The following RNF157 variants were observed in gnomAD, a reference collection of about 807,000 sequenced individuals.
The protein encoded by RNF157 is E3 ubiquitin ligase RNF157.
RNF157 carries 55 observed loss-of-function variants against 88.3 expected under a neutral mutation model. The ratio of observed to expected loss-of-function variants is 0.62; its 90% confidence interval spans 0.50 to 0.78. RNF157 has a LOEUF of 0.78. Ranked by LOEUF, RNF157 falls within the 30% of genes least tolerant of loss-of-function variation. The probability of loss-of-function intolerance (pLI) is 0.00; values close to 1 mark genes in which losing one functional copy is unlikely to be tolerated. For synonymous variants in RNF157, 334 were observed against 341.2 expected (o/e 0.98, Z 0.23); for missense variants, 788 against 860.8 (o/e 0.92, Z 1.06).
At chr17:76,192,212 T>C (rs1480762337) in intron 2 of RNF157, among the ~76,000 whole-genome samples, 1 of 152,194 alleles carries the variant, frequency 6.6e-6, no homozygotes, top group Non-Finnish European at 1.5e-5. Flanking sequence ...CAGCAGTTCT[T>C]TGTACTCTGG....
chr17:76,215,934 G>C (rs2145036259), intron 1 of RNF157, among the ~76,000 whole-genome samples: 1 of 152,300 alleles, frequency 6.6e-6, no homozygotes, highest in East Asian at 1.9e-4. Flanking sequence ...GCACTTGCTA[G>C]CCCTATTTTC....
chr17:76,150,684 T>C (rs1460806920), intron 18 of RNF157, among the ~76,000 whole-genome samples: 1 of 152,222 alleles, frequency 6.6e-6, no homozygotes, highest in African/African-American at 2.4e-5. Flanking sequence ...ATCCTTTCCA[T>C]AGCCCTTGCC....
At chr17:76,174,064 G>T (rs1041844134) in intron 2 of RNF157, among the ~76,000 whole-genome samples, 3 of 151,530 alleles carry the variant, frequency 2.0e-5, no homozygotes, top group Non-Finnish European at 4.4e-5. Context: ...TCAAAACCTG[G>T]AGAATTAATA....
At chr17:76,170,106 C>G (rs2068991654) in intron 3 of RNF157, among the ~76,000 whole-genome samples, 1 of 152,160 alleles carries the variant, frequency 6.6e-6, no homozygotes, top group South Asian at 2.1e-4. Context: ...TTTTCCTATC[C>G]AGGCAGGTCC....
In RNF157 at chr17:76,162,631, G is replaced by A. The variant is rs910730637; in HGVS notation, c.721-8C>T. 14 of 1,606,868 alleles carry A rather than the reference G, an allele frequency of 8.7e-6. No homozygotes were observed. The Admixed American group carries it at 2.0e-4, about 23-fold the overall frequency. ...GTAGCTGACCCCGTCTACCTGAACA[G>A]CAAACAGAAAGGTTCAAGGACAGGC... On this transcript the variant is annotated splice_polypyrimidine_tract_variant and splice_region_variant and intron_variant, in intron 8 of 18. Transcript: ENST00000269391.
At chr17:76,165,066 A>G (rs1200633678) in intron 7 of RNF157, among the ~76,000 whole-genome samples, 1 of 152,182 alleles carries the variant, frequency 6.6e-6, no homozygotes, top group East Asian at 1.9e-4. Context: ...CTTATGAATT[A>G]AACTTTATCA....
At chr17:76,196,633 G>C (rs2069482123) in intron 2 of RNF157, among the ~76,000 whole-genome samples, 1 of 152,140 alleles carries the variant, frequency 6.6e-6, no homozygotes, top group African/African-American at 2.4e-5. Flanking sequence ...GTAGTCATGT[G>C]CTGGCGTCCC....
At chr17:76,165,155 G>A (rs1256283416) in intron 7 of RNF157, among the ~76,000 whole-genome samples, 5 of 152,148 alleles carry the variant, frequency 3.3e-5, no homozygotes, top group East Asian at 1.9e-4. Context: ...CATCCACTGG[G>A]GGTCTTGGAA....
intron 2 of RNF157, among the ~76,000 whole-genome samples, chr17:76,190,068 G>A (rs1480700701): frequency 6.6e-6 from 1 of 152,094 alleles, no homozygotes; most frequent in Non-Finnish European, 1.5e-5. Context: ...GGAAATAACA[G>A]TGGAATTGTG....
At chr17:76,205,719 A>G (rs530471083) in intron 2 of RNF157, among the ~76,000 whole-genome samples, 2 of 144,596 alleles carry the variant, frequency 1.4e-5, no homozygotes, top group Non-Finnish European at 3.0e-5. Context: ...GCAAGACTCC[A>G]TCTCTAAATA....
rs546647282 is a variant in RNF157 at position 76,167,636 on chromosome 17, G to T, written c.443+15C>A. 21 of 1,613,790 alleles carry T rather than the reference G, an allele frequency of 1.3e-5. No individual in the cohort carries two copies. Among genetic ancestry groups the T allele is most frequent in the Non-Finnish European group, 1.8e-5 (21 of 1,179,924 alleles). ...ATCTGGGAAGGAAGTGGCTCTCCTG[G>T]TCTCCTGATCTTACCTGGCAATACC... On this transcript the variant is annotated intron_variant, in intron 4 of 18. Coordinates refer to ENST00000269391, the MANE Select transcript of RNF157 (RefSeq NM_052916.3).
rs1196435398 is a variant in RNF157, at chr17:76,146,467, C to T, written c.1922-1114G>A. 1 of 985,574 alleles carries T rather than the reference C, an allele frequency of 1.0e-6. No individual in the cohort carries two copies. The highest frequency in any genetic ancestry group is 1.2e-6 in the Non-Finnish European group (1 of 830,130). 61.1% of individuals were successfully genotyped at this position (985,574 alleles called of 1,614,324 possible). A position where few individuals can be genotyped will look rare whatever the true frequency, so the allele number is the denominator to read the frequency against. ...CTCCAGTGCCCTCCCTCCAGTGAGG[C>T]TAGGGCGCTCCTGCCTTGGGCCTCG... On this transcript the variant is annotated intron_variant, in intron 18 of 18. Transcript: ENST00000269391. This position sits in a 1 kb window ranked among gnomAD's most constrained non-coding sequence, Gnocchi z 4.2.
intron 2 of RNF157, 27 bp downstream of exon 2, chr17:76,212,337 G>A (rs2069815460): frequency 6.8e-7 from 1 of 1,464,714 alleles, no homozygotes; most frequent in African/African-American, 1.4e-5. Flanking sequence ...TAAGCTCCAA[G>A]TAGGAGTAAA....
At chr17:76,177,771 C>T (rs912983110) in intron 2 of RNF157, among the ~76,000 whole-genome samples, 2 of 152,114 alleles carry the variant, frequency 1.3e-5, no homozygotes, top group South Asian at 2.1e-4. Flanking sequence ...AGAGGAGCAA[C>T]CTACTCCAGT....
At chr17:76,218,234 G>A (rs1211814983) in intron 1 of RNF157, among the ~76,000 whole-genome samples, 1 of 152,140 alleles carries the variant, frequency 6.6e-6, no homozygotes, top group East Asian at 1.9e-4. Context: ...GAAGAAAATC[G>A]GTGTCATCAG....
intron 18 of RNF157, among the ~76,000 whole-genome samples, chr17:76,148,547 G>A (rs1199693432): frequency 2.7e-5 from 4 of 150,300 alleles, no homozygotes; most frequent in African/African-American, 7.4e-5. Context: ...GATTACAGGC[G>A]GGAGCCACCG....
At position 76,157,680 on chromosome 17, in the gene RNF157, C is replaced by G. The variant is rs1447497416; in HGVS notation, c.1413+713G>C. On this transcript the variant is annotated intron_variant, in intron 13 of 18. Transcript: ENST00000269391. The surrounding 1 kb of genome is among the most constrained non-coding windows in gnomAD (Gnocchi z 5.6). ...AACAACGTGCCAGGCACATGCTATTCCCATGTATATGTCCTGTCCCAGCCA... is the reference window on the plus strand; with the variant it reads ...AACAACGTGCCAGGCACATGCTATTGCCATGTATATGTCCTGTCCCAGCCA... Among the ~76,000 whole-genome samples, 1 of 152,174 alleles carries G rather than the reference C, an allele frequency of 6.6e-6. No individual in the cohort carries two copies. The highest frequency in any genetic ancestry group is 1.5e-5 in the Non-Finnish European group (1 of 68,032).
intron 1 of RNF157, among the ~76,000 whole-genome samples, chr17:76,237,001 C>T (rs1232988651): frequency 6.6e-6 from 1 of 152,146 alleles, no homozygotes; most frequent in Non-Finnish European, 1.5e-5. Flanking sequence ...GGATGGACAA[C>T]AGCGGTGAGA....
intron 1 of RNF157, among the ~76,000 whole-genome samples, chr17:76,238,225 C>T (rs916582673): frequency 1.3e-5 from 2 of 152,158 alleles, no homozygotes; most frequent in Admixed American, 6.5e-5. Context: ...GCGATGCCTC[C>T]GTCTAGAGCA....
Sources: gnomAD v4.1 joint callset for allele counts (sites outside exome capture counted in the v4.1 genomes callset) on GRCh38, gnomAD v4.1.1 for gene constraint, Gnocchi (gnomAD v3.1) non-coding constraint, MANE v1.5 for transcripts, NCBI Gene and HGNC (gene_info 2026-07-23, HGNC 2026-07-21) for gene names.